SH3BP4: variants seen among roughly 807,000 people sequenced by gnomAD.
The protein encoded by SH3BP4 is SH3 domain-binding protein 4.
Under a neutral mutation model 65.5 loss-of-function variants are expected in SH3BP4, and 33 were observed. That is an observed-to-expected ratio of 0.50 (90% CI 0.38 to 0.67). The LOEUF is 0.67. SH3BP4 is among the 30% of genes least tolerant of loss of function. The pLI is 0.00. For synonymous variants in SH3BP4, 552 were observed against 545.5 expected, an observed-to-expected ratio of 1.01 and a Z score of -0.17; for missense variants, 1,134 against 1,261.4, an observed-to-expected ratio of 0.90 and a Z score of 1.53.
intron 3 of SH3BP4, among the ~76,000 whole-genome samples, chr2:235,040,683 G>A (rs776281047): frequency 2.6e-5 from 4 of 151,936 alleles, no homozygotes; most frequent in Non-Finnish European, 5.9e-5. Flanking sequence ...ATAGGCTGTC[G>A]ATTTTGAAGG....
In SH3BP4 at chr2:235,035,423, T is replaced by C. The variant is rs1022563771; in HGVS notation, c.118+303T>C. Reference sequence around the variant, plus strand: ...TACAGAAACCCAGGGGAACAGAGAGTGTGGCAAGTAGATGAAATATTGAGA... The same window carrying C: ...TACAGAAACCCAGGGGAACAGAGAGCGTGGCAAGTAGATGAAATATTGAGA... On this transcript the variant is annotated intron_variant, in intron 3 of 5. Transcript: ENST00000392011. The surrounding 1 kb of genome is among the most constrained non-coding windows in gnomAD (Gnocchi z 5.0). Among the ~76,000 whole-genome samples the C allele has an allele frequency of 4.0e-5, 6 of 151,798 alleles. No individual in the cohort carries two copies. The highest frequency in any genetic ancestry group is 2.1e-4 in the South Asian group (1 of 4,808).
intron 2 of SH3BP4, among the ~76,000 whole-genome samples, chr2:235,005,941 C>T (rs1027721076): frequency 1.3e-5 from 2 of 152,344 alleles, no homozygotes; most frequent in African/African-American, 2.4e-5. Flanking sequence ...CCCGCTCTTG[C>T]GTGCCCGCCT....
Position 235,054,553 on chromosome 2 carries a change from T to A in SH3BP4, c.*737T>A, listed in dbSNP as rs1428867267. On this transcript the variant is annotated 3_prime_UTR_variant, in exon 6 of 6. Coordinates refer to ENST00000392011, the MANE Select transcript of SH3BP4 (RefSeq NM_014521.3). ...GCATTTAGGTGCCCTGAGCTGTTTCTGCCAATAGATTAGAAAGCAGCCATG... is the reference window on the plus strand; with the variant it reads ...GCATTTAGGTGCCCTGAGCTGTTTCAGCCAATAGATTAGAAAGCAGCCATG... The A allele has an allele frequency of 6.6e-6, 1 of 152,238 alleles. No individual in the cohort carries two copies. The highest frequency in any genetic ancestry group is 2.4e-5 in the African/African-American group (1 of 41,444). 9.4% of individuals were successfully genotyped at this position (152,238 alleles called of 1,614,324 possible).
intron 1 of SH3BP4, among the ~76,000 whole-genome samples, chr2:234,972,459 T>G (rs1693030183): frequency 6.6e-6 from 1 of 151,976 alleles, no homozygotes; most frequent in Non-Finnish European, 1.5e-5. Flanking sequence ...TTTTCTTTTT[T>G]TGGTAGAGAT....
rs571433406 is a variant in SH3BP4, at chr2:235,033,797, G to A, written c.-132-1074G>A. ...GCTCCCACCCGGCTGCTGCAGAAACGTTGCAAAGGGTGGTGTCAGGGCCTC... is the reference window on the plus strand; with the variant it reads ...GCTCCCACCCGGCTGCTGCAGAAACATTGCAAAGGGTGGTGTCAGGGCCTC... On this transcript the variant is annotated intron_variant, in intron 2 of 5. Coordinates refer to ENST00000392011, the MANE Select transcript of SH3BP4 (RefSeq NM_014521.3). This position sits in a 1 kb window ranked among gnomAD's most constrained non-coding sequence, Gnocchi z 5.7. Among the ~76,000 whole-genome samples, 147 of 152,330 alleles carry A rather than the reference G, an allele frequency of 9.7e-4. No homozygotes were observed. The highest frequency in any genetic ancestry group is 1.7e-3 in the Non-Finnish European group (116 of 68,036).
intron 3 of SH3BP4, among the ~76,000 whole-genome samples, chr2:235,039,003 C>T (rs889707123): frequency 2.0e-5 from 3 of 152,132 alleles, no homozygotes; most frequent in Admixed American, 2.0e-4. Context: ...TGACAAGTGC[C>T]TTATCTACGT....
At chr2:234,999,939 T>C (rs1694046942) in intron 2 of SH3BP4, among the ~76,000 whole-genome samples, 1 of 152,230 alleles carries the variant, frequency 6.6e-6, no homozygotes, top group Admixed American at 6.5e-5. Flanking sequence ...TTGCAGGACC[T>C]GCCCTTGGGC....
rs1176948320 is a variant in SH3BP4 at position 235,045,658 on chromosome 2, T to C, written c.2478+2411T>C. On this transcript the variant is annotated intron_variant, in intron 4 of 5. Coordinates refer to ENST00000392011, the MANE Select transcript of SH3BP4 (RefSeq NM_014521.3). The surrounding 1 kb of genome is among the most constrained non-coding windows in gnomAD (Gnocchi z 4.3). ...TCAGTCATCATCTTGGCCAAACTTA[T>C]AGAAACCACAGACGGATTTCTCCCA... Among the ~76,000 whole-genome samples the C allele has an allele frequency of 6.8e-5, 10 of 147,128 alleles. No homozygotes were observed. The highest frequency in any genetic ancestry group is 2.3e-4 in the South Asian group (1 of 4,324).
chr2:234,993,269 C>T (rs911442597), intron 1 of SH3BP4, among the ~76,000 whole-genome samples: 1 of 152,224 alleles, frequency 6.6e-6, no homozygotes, highest in Non-Finnish European at 1.5e-5. Flanking sequence ...GACTCGCCCC[C>T]CGCCTCATTT....
At chr2:234,973,703 G>A (rs1693068229) in intron 1 of SH3BP4, among the ~76,000 whole-genome samples, 1 of 151,730 alleles carries the variant, frequency 6.6e-6, no homozygotes, top group Non-Finnish European at 1.5e-5. Context: ...AGGCTGGAGT[G>A]GAGGGCACAA....
At chr2:235,001,185 A>G (rs6712412) in intron 2 of SH3BP4, among the ~76,000 whole-genome samples, 9,141 of 152,272 alleles carry the variant, frequency 0.06, 918 homozygotes, top group African/African-American at 0.21. Flanking sequence ...TATCAGTAAC[A>G]GAACAGATGT....
rs1490040150 is a variant in SH3BP4 at position 235,045,262 on chromosome 2, C to A, written c.2478+2015C>A. 6.6e-6 allele frequency among the ~76,000 whole-genome samples: 1 copy of A among 152,174 alleles called. No homozygotes were observed. Among genetic ancestry groups the A allele is most frequent in the Non-Finnish European group, 1.5e-5 (1 of 68,034 alleles). On this transcript the variant is annotated intron_variant, in intron 4 of 5. Coordinates refer to ENST00000392011, the MANE Select transcript of SH3BP4 (RefSeq NM_014521.3). The surrounding 1 kb of genome is among the most constrained non-coding windows in gnomAD (Gnocchi z 4.3). ...CCTGACAGCATTGCTGAGCCCAGGA[C>A]ACTCACCTCGACGTTGCACCAGAGG...
rs758030305 is a variant in SH3BP4, at chr2:234,978,169, T to A, written c.-206-17134T>A. 5.3e-5 allele frequency among the ~76,000 whole-genome samples: 8 copies of A among 152,174 alleles called. No individual in the cohort carries two copies. The highest frequency in any genetic ancestry group is 1.0e-4 in the Non-Finnish European group (7 of 68,032). ...AGGGGTTTCACCATGTTGGCCAGGCTGGAATCGAACTCCCGACCTCAGGTG... is the reference window on the plus strand; with the variant it reads ...AGGGGTTTCACCATGTTGGCCAGGCAGGAATCGAACTCCCGACCTCAGGTG... On this transcript the variant is annotated intron_variant, in intron 1 of 5. Coordinates refer to ENST00000392011, the MANE Select transcript of SH3BP4 (RefSeq NM_014521.3). This position sits in a 1 kb window ranked among gnomAD's most constrained non-coding sequence, Gnocchi z 4.1.
chr2:235,048,630 A>G (rs1432826947), intron 4 of SH3BP4, among the ~76,000 whole-genome samples: 2 of 152,152 alleles, frequency 1.3e-5, no homozygotes, highest in Non-Finnish European at 2.9e-5. Context: ...GTGAGCCACC[A>G]TGGCTGGACA....
In SH3BP4 at chr2:235,053,856, C is replaced by T; in HGVS notation, c.*40C>T. 6.7e-7 allele frequency: 1 copy of T among 1,487,404 alleles called. No individual in the cohort carries two copies. Among genetic ancestry groups the T allele is most frequent in the Non-Finnish European group, 9.4e-7 (1 of 1,065,526 alleles). The allele number at this position is 1,487,404 out of a possible 1,614,324, so 92.1% of individuals were successfully genotyped here. Reference sequence around the variant, plus strand: ...CTCCTGCTGCTCTGGAGTGCAAGCCCTCTTCTGCCCTGCGTGCCCTGCTGT... The same window carrying T: ...CTCCTGCTGCTCTGGAGTGCAAGCCTTCTTCTGCCCTGCGTGCCCTGCTGT... On this transcript the variant is annotated 3_prime_UTR_variant, in exon 6 of 6. Coordinates refer to ENST00000392011, the MANE Select transcript of SH3BP4 (RefSeq NM_014521.3).
chr2:234,974,010 G>A lies in SH3BP4; in HGVS notation c.-206-21293G>A, dbSNP rs1226114878. ...TCTCCAAGTGCTCCGGGTCTAGTAA[G>A]TCAACAGGGGAGGCTTTCAGAACTC... On this transcript the variant is annotated intron_variant, in intron 1 of 5. Coordinates refer to ENST00000392011, the MANE Select transcript of SH3BP4 (RefSeq NM_014521.3). The surrounding 1 kb of genome is among the most constrained non-coding windows in gnomAD (Gnocchi z 4.6). Among the ~76,000 whole-genome samples, 1 of 152,116 alleles carries A rather than the reference G, an allele frequency of 6.6e-6. No homozygotes were observed. Among genetic ancestry groups the A allele is most frequent in the East Asian group, 1.9e-4 (1 of 5,166 alleles).
chr2:235,053,483 C>CA (rs1471536240), intron 5 of SH3BP4, 109 bp from the exon 6 acceptor site: 2 of 787,328 alleles, frequency 2.5e-6, no homozygotes, highest in Non-Finnish European at 4.2e-6. Flanking sequence ...AAGAGTGTCC[C>CA]AAATAGTGAC....
chr2:234,962,693 T>G (rs115242947), intron 1 of SH3BP4, among the ~76,000 whole-genome samples: 2,470 of 152,108 alleles, frequency 0.016, 69 homozygotes, highest in African/African-American at 0.055. Context: ...GGTCTTGCCT[T>G]TGTACCTGGC....
At chr2:234,999,740 G>C (rs1694039340) in intron 2 of SH3BP4, among the ~76,000 whole-genome samples, 1 of 152,200 alleles carries the variant, frequency 6.6e-6, no homozygotes, top group African/African-American at 2.4e-5. Context: ...GAAGAAAACA[G>C]GGCAGGATTA....
Sources: allele counts gnomAD v4.1 joint callset (sites outside exome capture counted in the v4.1 genomes callset), GRCh38; gene constraint gnomAD v4.1.1; non-coding constraint Gnocchi (gnomAD v3.1); transcripts MANE v1.5; gene names NCBI Gene and HGNC (gene_info 2026-07-23, HGNC 2026-07-21).